GCC2: variants seen among roughly 807,000 people sequenced by gnomAD.
GCC2 encodes the protein GRIP and coiled-coil domain-containing protein 2.
GCC2 carries 120 observed loss-of-function variants against 210.6 expected under a neutral mutation model. That is an observed-to-expected ratio of 0.57 (90% CI 0.49 to 0.66). The LOEUF (loss-of-function observed/expected upper bound fraction) is 0.66, where lower values mean the gene tolerates loss of function less well. Ranked by LOEUF, GCC2 falls within the 30% of genes least tolerant of loss-of-function variation. The pLI is 0.00. For missense variants in GCC2, 1,868 were observed against 1,871.9 expected, an observed-to-expected ratio of 1.00 and a Z score of 0.04; for synonymous variants, 703 against 652.7, an observed-to-expected ratio of 1.08 and a Z score of -1.17.
intron 22 of GCC2, among the ~76,000 whole-genome samples, chr2:108,502,923 C>CAAAAA (rs34464118): frequency 1.7e-5 from 2 of 116,156 alleles, no homozygotes; most frequent in African/African-American, 6.7e-5. Context: ...AACCCTGTCT[C>CAAAAA]AAAAAAAAAA....
At chr2:108,490,093 G>T (rs1558755276) in intron 18 of GCC2, 79 bp downstream of exon 18, 5 of 1,003,070 alleles carry the variant, frequency 5.0e-6, no homozygotes, top group Middle Eastern at 2.2e-4. Flanking sequence ...GTTGATCCTT[G>T]AGATAAATGC....
At chr2:108,506,861 G>C (rs1683214625) in intron 22 of GCC2, among the ~76,000 whole-genome samples, 1 of 151,140 alleles carries the variant, frequency 6.6e-6, no homozygotes, top group Admixed American at 6.6e-5. Context: ...TGAGAAGATG[G>C]TATTTCAGAA....
At chr2:108,462,580 T>TTG (rs1680656586) in intron 4 of GCC2, 1 of 143,368 alleles carries the variant, frequency 7.0e-6, no homozygotes, top group Non-Finnish European at 1.5e-5. Context: ...TTTTTTTTTT[T>TTG]GAGACAGAGT....
intron 21 of GCC2, among the ~76,000 whole-genome samples, chr2:108,498,183 C>CTTTTTTTTTATTTTTTTTTTTTT (rs1682738870): frequency 1.7e-5 from 1 of 57,466 alleles, no homozygotes; most frequent in African/African-American, 7.3e-5. Context: ...GTTATATTTT[C>CTTTTTTTTTATTTTTTTTTTTTT]TTTTTTTTTT....
At chr2:108,458,344 G>A (rs899921983) in intron 4 of GCC2, among the ~76,000 whole-genome samples, 7 of 146,708 alleles carry the variant, frequency 4.8e-5, no homozygotes, top group African/African-American at 7.5e-5. Context: ...TTTTGCATTG[G>A]TGTTCATCAG....
chr2:108,451,004 T>C (rs773361869), intron 2 of GCC2, 24 bp from the exon 3 acceptor site: 6 of 1,517,298 alleles, frequency 4.0e-6, no homozygotes, highest in Non-Finnish European at 5.5e-6. Flanking sequence ...TATAACAAGT[T>C]GGTAACATGA....
intron 7 of GCC2, chr2:108,474,690 A>G (rs1334809166): frequency 1.3e-5 from 2 of 152,088 alleles, no homozygotes; most frequent in African/African-American, 4.8e-5. Flanking sequence ...CATGTTTAAG[A>G]TGTTCACCTG....
chr2:108,472,776 G>A (rs760900428), intron 6 of GCC2, 51 bp from the exon 7 acceptor site: 1 of 1,052,670 alleles, frequency 9.5e-7, no homozygotes, highest in Non-Finnish European at 1.4e-6. Flanking sequence ...AATGAATTCT[G>A]ATTCTGGTTT....
intron 18 of GCC2, 74 bp downstream of exon 18, chr2:108,490,088 TC>T: frequency 2.8e-6 from 3 of 1,053,676 alleles, no homozygotes; most frequent in Non-Finnish European, 2.6e-6. Flanking sequence ...AATATGTTGA[TC>T]CTTGAGATAA....
At chr2:108,449,579 T>G in intron 1 of GCC2, 54 bp from the exon 2 acceptor site, 2 of 1,504,632 alleles carry the variant, frequency 1.3e-6, no homozygotes, top group Non-Finnish European at 1.9e-6. Flanking sequence ...ACGCGTTCCG[T>G]GTGGAATTAG....
intron 4 of GCC2, among the ~76,000 whole-genome samples, chr2:108,454,373 C>A (rs1004655867): frequency 4.6e-5 from 7 of 152,210 alleles, no homozygotes; most frequent in Admixed American, 3.9e-4. Context: ...AGAGTTATTA[C>A]AAGGGGTCTT....
chr2:108,503,262 GAC>G (rs1008296283), intron 22 of GCC2, among the ~76,000 whole-genome samples: 3 of 151,650 alleles, frequency 2.0e-5, no homozygotes, highest in Non-Finnish European at 2.9e-5. Flanking sequence ...AGAGAAAGAA[GAC>G]ACATTGCCTC....
rs1367142392 is a variant in GCC2 at position 108,457,119 on chromosome 2, T to C, written c.216+4653T>C. On this transcript the variant is annotated intron_variant, in intron 4 of 22. Coordinates refer to ENST00000309863, the MANE Select transcript of GCC2 (RefSeq NM_181453.4). ...TTTAGTTTTACACTTTTGGGTCTTATATAATATAAGTCTTTAATCTATTTT... is the reference window on the plus strand; with the variant it reads ...TTTAGTTTTACACTTTTGGGTCTTACATAATATAAGTCTTTAATCTATTTT... Among the ~76,000 whole-genome samples the C allele has an allele frequency of 2.0e-5, 3 of 151,720 alleles. No individual in the cohort carries two copies. In the East Asian group the frequency reaches 5.8e-4, roughly 29 times the overall value.
chr2:108,492,682 G>A lies in GCC2; in HGVS notation c.4339G>A (p.Val1447Met), dbSNP rs1350870505. 4 of 1,613,940 alleles carry A rather than the reference G, an allele frequency of 2.5e-6. No homozygotes were observed. The highest frequency in any genetic ancestry group is 1.7e-5 in the Admixed American group (1 of 60,022). The change falls in exon 19 of 23, where the codon GTG (valine) becomes ATG (methionine). Residue 1447 changes from valine to methionine, a missense_variant. Physicochemically the swap from Val to Met is conservative, Grantham distance 21. Coordinates refer to ENST00000309863, the MANE Select transcript of GCC2 (RefSeq NM_181453.4). ...CCTTCGAAATAGCTTCCGAGATCAA[G>A]TGCGACATTTGCAGGAAGAACACAG... The part of the protein sequence containing the change: ...EVLRNSFRDQ[V>M]RHLQEEHRKT...
At chr2:108,484,998 A>T (rs1682058953) in intron 13 of GCC2, among the ~76,000 whole-genome samples, 1 of 151,916 alleles carries the variant, frequency 6.6e-6, no homozygotes, top group African/African-American at 2.4e-5. Flanking sequence ...GCCATAAAAA[A>T]TGATGAGTTC....
chr2:108,503,904 T>A (rs1683053939), intron 22 of GCC2, among the ~76,000 whole-genome samples: 1 of 151,396 alleles, frequency 6.6e-6, no homozygotes, highest in Non-Finnish European at 1.5e-5. Flanking sequence ...AGAACAGGAG[T>A]TCAGAATCAG....
At chr2:108,482,708 G>A (rs956140280) in intron 11 of GCC2, among the ~76,000 whole-genome samples, 10 of 152,136 alleles carry the variant, frequency 6.6e-5, no homozygotes, top group Admixed American at 1.3e-4. Flanking sequence ...ACGGAGTCTC[G>A]CTCTGTTGCC....
In GCC2 at chr2:108,470,837, A is replaced by G. The variant is rs1681165575; in HGVS notation, c.1508A>G (p.Gln503Arg). Reference protein sequence around the residue: ...ELGESAGKISQEFESMKQQQA... With the variant: ...ELGESAGKISREFESMKQQQA... ...GGGGAATCTGCTGGAAAAATAAGTCAAGAGTTCGAATCAATGAAGCAACAG... is the reference window on the plus strand; with the variant it reads ...GGGGAATCTGCTGGAAAAATAAGTCGAGAGTTCGAATCAATGAAGCAACAG... The change falls in exon 6 of 23, where the codon CAA (glutamine) becomes CGA (arginine). Residue 503 changes from glutamine (Q) to arginine (R), a missense_variant. By Grantham distance (43) the Gln-to-Arg change is conservative. Transcript: ENST00000309863. 5 of 1,613,930 alleles carry G rather than the reference A, an allele frequency of 3.1e-6. No homozygotes were observed. The highest frequency in any genetic ancestry group is 4.2e-6 in the Non-Finnish European group (5 of 1,179,840).
chr2:108,468,813 T>G (rs1032040841), intron 4 of GCC2, among the ~76,000 whole-genome samples, 167 bp from the exon 5 acceptor site: 1 of 152,228 alleles, frequency 6.6e-6, no homozygotes, highest in Admixed American at 6.5e-5. Context: ...TGTTGAAATT[T>G]CTCTTATCCT....
Sources: allele counts gnomAD v4.1 joint callset (sites outside exome capture counted in the v4.1 genomes callset), GRCh38; gene constraint gnomAD v4.1.1; transcripts MANE v1.5; gene names NCBI Gene and HGNC (gene_info 2026-07-23, HGNC 2026-07-21).